Variants in CTNNA3 observed in about 807,000 individuals in gnomAD.
CTNNA3 encodes the protein catenin alpha 3, also known as catenin alpha-3.
In CTNNA3, 76 loss-of-function variants were observed where a neutral mutation model predicts 95.7. The ratio of observed to expected loss-of-function variants is 0.79; its 90% CI spans 0.66 to 0.96. The LOEUF is 0.96. Ranked by LOEUF, CTNNA3 falls within the 40% of genes least tolerant of loss-of-function variation. The probability of loss-of-function intolerance (pLI) is 0.00; values close to 1 mark genes in which losing one functional copy is unlikely to be tolerated. For missense variants in CTNNA3, 1,191 were observed against 1,089.8 expected (o/e 1.09, Z -1.31); for synonymous variants, 431 against 374.4 (o/e 1.15, Z -1.74).
chr10:66,672,366 A>G (rs1846694088), intron 9 of CTNNA3, among the ~76,000 whole-genome samples: 1 of 152,102 alleles, frequency 6.6e-6, no homozygotes, highest in African/African-American at 2.4e-5. Context: ...TTGCAAACAA[A>G]CACTAGCAAC....
chr10:66,846,463 C>G (rs965192904), intron 7 of CTNNA3, among the ~76,000 whole-genome samples: 1 of 87,100 alleles, frequency 1.1e-5, no homozygotes, highest in African/African-American at 4.1e-5. Flanking sequence ...TGTAAATGTT[C>G]TCACCACACA....
At chr10:66,424,939 G>A (rs546103675) in intron 11 of CTNNA3, among the ~76,000 whole-genome samples, 1 of 152,060 alleles carries the variant, frequency 6.6e-6, no homozygotes, top group East Asian at 1.9e-4. Flanking sequence ...AACAAAGCAA[G>A]ACCCATCTCT....
Position 66,517,767 on chromosome 10 carries a change from A to G in CTNNA3, c.1531+2850T>C, listed in dbSNP as rs116677270. ...CCAATTTTTTCTTGCACAAGATCCA[A>G]GAACCCTCTCTTGGGGTCTAGAATG... On this transcript the variant is annotated intron_variant, in intron 11 of 17. Coordinates refer to ENST00000433211, the MANE Select transcript of CTNNA3 (RefSeq NM_013266.4). Among the ~76,000 whole-genome samples, 1,170 of 152,254 alleles carry G rather than the reference A, an allele frequency of 7.7e-3. 19 individuals carry two copies. The highest frequency in any genetic ancestry group is 0.026 in the African/African-American group (1,082 of 41,534).
chr10:66,225,774 G>T (rs186855333), intron 13 of CTNNA3, among the ~76,000 whole-genome samples: 211 of 151,274 alleles, frequency 1.4e-3, no homozygotes, highest in African/African-American at 4.8e-3. Flanking sequence ...ATTCTAATTG[G>T]GGAAAAATTA....
At chr10:67,744,248 C>A (rs1409419886) in intron 1 of CTNNA3, among the ~76,000 whole-genome samples, 6 of 151,126 alleles carry the variant, frequency 4.0e-5, no homozygotes, top group South Asian at 2.1e-4. Context: ...CCTGACTTCA[C>A]ACTATACTAC....
chr10:66,563,227 T>C (rs1424107813), intron 10 of CTNNA3, among the ~76,000 whole-genome samples: 1 of 152,160 alleles, frequency 6.6e-6, no homozygotes, highest in Non-Finnish European at 1.5e-5. Flanking sequence ...CAGTCATACA[T>C]ACATTAGTCA....
chr10:66,694,450 T>C (rs1847681353), intron 9 of CTNNA3, among the ~76,000 whole-genome samples: 1 of 152,136 alleles, frequency 6.6e-6, no homozygotes, highest in African/African-American at 2.4e-5. Flanking sequence ...TAACAGGCTC[T>C]GAAATTGTGG....
At chr10:66,596,238 G>T (rs1032623469) in intron 10 of CTNNA3, among the ~76,000 whole-genome samples, 9 of 152,006 alleles carry the variant, frequency 5.9e-5, no homozygotes, top group African/African-American at 2.2e-4. Flanking sequence ...GTTCATGATG[G>T]TCTCCACTAG....
At chr10:67,484,045 A>T (rs1848352019) in intron 5 of CTNNA3, among the ~76,000 whole-genome samples, 1 of 152,230 alleles carries the variant, frequency 6.6e-6, no homozygotes, top group Non-Finnish European at 1.5e-5. Context: ...AATAGAATAA[A>T]GCCAGAGGCA....
intron 17 of CTNNA3, among the ~76,000 whole-genome samples, chr10:65,930,624 T>C (rs1394354488): frequency 6.6e-6 from 1 of 152,186 alleles, no homozygotes; most frequent in East Asian, 1.9e-4. Context: ...TAGTTAATTT[T>C]TTTATTTCTG....
chr10:67,422,052 A>G (rs1845765034), intron 5 of CTNNA3, among the ~76,000 whole-genome samples: 1 of 152,114 alleles, frequency 6.6e-6, no homozygotes, highest in South Asian at 2.1e-4. Flanking sequence ...CAAACTAAAA[A>G]CACAAACACA....
At chr10:66,113,930 G>A (rs1045426464) in intron 13 of CTNNA3, among the ~76,000 whole-genome samples, 1 of 152,034 alleles carries the variant, frequency 6.6e-6, no homozygotes, top group South Asian at 2.1e-4. Flanking sequence ...TTGATCTATG[G>A]GGGGAGGTGG....
At chr10:66,839,529 A>G (rs1451484601) in intron 7 of CTNNA3, among the ~76,000 whole-genome samples, 1 of 152,122 alleles carries the variant, frequency 6.6e-6, no homozygotes, top group Non-Finnish European at 1.5e-5. Context: ...ACTTCATAAT[A>G]ATAAAAATTT....
At chr10:67,029,610 A>G (rs575701429) in intron 7 of CTNNA3, among the ~76,000 whole-genome samples, 80 of 152,338 alleles carry the variant, frequency 5.3e-4, no homozygotes, top group Middle Eastern at 6.8e-3. Flanking sequence ...TAGGTTACAA[A>G]AGAGAGGTTT....
chr10:66,379,486 T>A, intron 11 of CTNNA3, 134 bp from the exon 12 acceptor site: 1 of 751,556 alleles, frequency 1.3e-6, no homozygotes, highest in Non-Finnish European at 2.1e-6. Context: ...TTGAGAATTA[T>A]AAAAAAATTG....
chr10:66,341,233 C>G (rs1266798447), intron 12 of CTNNA3, among the ~76,000 whole-genome samples: 1 of 151,866 alleles, frequency 6.6e-6, no homozygotes, highest in African/African-American at 2.4e-5. Flanking sequence ...TTTCTTTACG[C>G]CCTCATTCTA....
intron 7 of CTNNA3, among the ~76,000 whole-genome samples, chr10:66,969,938 C>T (rs1205472275): frequency 1.3e-5 from 2 of 152,070 alleles, no homozygotes; most frequent in African/African-American, 2.4e-5. Flanking sequence ...AGGATTACTA[C>T]ATGAACATGA....
rs1239814029 is a variant in CTNNA3, at chr10:66,584,519, C to T, written c.1374+37173G>A. Among the ~76,000 whole-genome samples the T allele has an allele frequency of 2.0e-5, 3 of 151,806 alleles. No individual in the cohort carries two copies. In the East Asian group the frequency reaches 5.8e-4, roughly 29 times the overall value. ...AGCTACTCCTGCTTGCTTTTGGTTT[C>T]CATTTGCAAGAAATGTCTTTTTTCA... On this transcript the variant is annotated intron_variant, in intron 10 of 17. Transcript: ENST00000433211.
At chr10:67,761,882 A>T (rs896038490) in intron 1 of CTNNA3, among the ~76,000 whole-genome samples, 3 of 151,912 alleles carry the variant, frequency 2.0e-5, no homozygotes, top group Non-Finnish European at 1.5e-5. Flanking sequence ...CGTCAAAAAA[A>T]AAAAAAAGAA....
Sources: allele counts gnomAD v4.1 joint callset (sites outside exome capture counted in the v4.1 genomes callset), GRCh38; gene constraint gnomAD v4.1.1; transcripts MANE v1.5; gene names NCBI Gene and HGNC (gene_info 2026-07-23, HGNC 2026-07-21).